Variants in TIAM2 observed in about 807,000 individuals in gnomAD.
The protein encoded by TIAM2 is rho guanine nucleotide exchange factor TIAM2.
Under a neutral mutation model 152.9 loss-of-function variants are expected in TIAM2, and 80 were observed. The observed-to-expected ratio is 0.52, with a 90% CI of 0.44 to 0.63. The LOEUF is 0.63. Among genes scored for constraint, TIAM2 ranks in the 30% least tolerant of loss-of-function variants. The probability of loss-of-function intolerance (pLI) is 0.00; values close to 1 mark genes in which losing one functional copy is unlikely to be tolerated. For synonymous variants in TIAM2, 804 were observed against 838.0 expected (o/e 0.96, Z 0.70); for missense variants, 1,965 against 2,120.1 (o/e 0.93, Z 1.44).
chr6:155,250,298 T>C (rs949206444), intron 21 of TIAM2, among the ~76,000 whole-genome samples: 3 of 151,220 alleles, frequency 2.0e-5, no homozygotes, highest in African/African-American at 7.3e-5. Flanking sequence ...TGCCTTTTTT[T>C]TTTTTTTTTT....
intron 1 of TIAM2, among the ~76,000 whole-genome samples, chr6:155,045,211 C>T (rs1450480677): frequency 5.3e-5 from 8 of 151,850 alleles, no homozygotes; most frequent in African/African-American, 1.5e-4. Context: ...GGATTGCAGG[C>T]GCACACCACC....
chr6:155,076,448 G>A (rs1777961635), intron 1 of TIAM2, among the ~76,000 whole-genome samples: 1 of 152,066 alleles, frequency 6.6e-6, no homozygotes, highest in Admixed American at 6.6e-5. Flanking sequence ...AAAATTAAAG[G>A]TCTGAAATGC....
chr6:155,123,215 C>T (rs545903318), intron 2 of TIAM2, among the ~76,000 whole-genome samples: 1 of 151,712 alleles, frequency 6.6e-6, no homozygotes, highest in South Asian at 2.1e-4. Flanking sequence ...CCAGGATTGA[C>T]CCAACATTGC....
At chr6:155,112,540 C>T (rs555685172) in intron 2 of TIAM2, among the ~76,000 whole-genome samples, 187 of 152,176 alleles carry the variant, frequency 1.2e-3, no homozygotes, top group African/African-American at 4.4e-3. Context: ...CCTTGGACCC[C>T]ATGTCTTTCC....
intron 16 of TIAM2, 89 bp downstream of exon 16, chr6:155,240,798 A>G: frequency 7.4e-7 from 1 of 1,356,370 alleles, no homozygotes; most frequent in Non-Finnish European, 9.9e-7. Flanking sequence ...ACCTCTGCCC[A>G]GGACACCTGC....
chr6:155,112,985 C>T lies in TIAM2; in HGVS notation c.-117-14505C>T, dbSNP rs562904380. Reference sequence around the variant, plus strand: ...GGTCCCCCTGCTGCTTCCACTGTGTCGCTGACAATCCATATCCACACAGCA... The same window carrying T: ...GGTCCCCCTGCTGCTTCCACTGTGTTGCTGACAATCCATATCCACACAGCA... On this transcript the variant is annotated intron_variant, in intron 2 of 26. Transcript: ENST00000682666. Among the ~76,000 whole-genome samples the T allele has an allele frequency of 2.6e-5, 4 of 151,724 alleles. No homozygotes were observed. The South Asian group carries it at 6.3e-4, about 24-fold the overall frequency.
rs772859074 is a variant in TIAM2 at position 155,248,091 on chromosome 6, G to A, written c.3744G>A (p.Pro1248=). 3.2e-5 allele frequency: 51 copies of A among 1,614,060 alleles called. No individual in the cohort carries two copies. Among genetic ancestry groups the A allele is most frequent in the Admixed American group, 1.2e-4 (7 of 60,000 alleles). The change falls in exon 20 of 27, where the codon CCG becomes CCA. Residue 1248 remains proline, a synonymous_variant. Transcript: ENST00000682666. ...SSTLESYLIK[P]VQRVLKYPLL... is the part of the protein sequence containing the mutation. ...CGCTGGAGTCCTACCTCATCAAGCCGGTTCAGAGAGTGCTCAAGTACCCGC... is the reference window on the plus strand; with the variant it reads ...CGCTGGAGTCCTACCTCATCAAGCCAGTTCAGAGAGTGCTCAAGTACCCGC...
intron 14 of TIAM2, among the ~76,000 whole-genome samples, chr6:155,187,830 G>T (rs1200332324): frequency 6.6e-6 from 1 of 151,830 alleles, no homozygotes; most frequent in Non-Finnish European, 1.5e-5. Flanking sequence ...TGCCCGCCTC[G>T]ACCTCCCAAA....
At chr6:155,108,186 C>T (rs977106527) in intron 2 of TIAM2, among the ~76,000 whole-genome samples, 1 of 152,116 alleles carries the variant, frequency 6.6e-6, no homozygotes, top group African/African-American at 2.4e-5. Flanking sequence ...TACGTGGGTT[C>T]GTTTTCAGCT....
At chr6:155,244,173 C>A in intron 17 of TIAM2, 94 bp downstream of exon 17, 1 of 1,207,408 alleles carries the variant, frequency 8.3e-7, no homozygotes, top group Admixed American at 1.8e-5. Context: ...TCTGTTGATC[C>A]CAAAAGAACA....
intron 15 of TIAM2, chr6:155,216,610 T>C (rs990822162): frequency 1.9e-5 from 3 of 154,618 alleles, no homozygotes; most frequent in African/African-American, 7.2e-5. Context: ...TGTGCTATTG[T>C]AATAGTTTGG....
At chr6:155,028,350 C>CTACATATAAT in intron 1 of TIAM2, among the ~76,000 whole-genome samples, 1 of 122,548 alleles carries the variant, frequency 8.2e-6, no homozygotes, top group Non-Finnish European at 1.6e-5. Flanking sequence ...TACTGTGTTA[C>CTACATATAAT]ATATATACTA....
At chr6:155,247,337 T>C (rs764612959) in intron 19 of TIAM2, among the ~76,000 whole-genome samples, 3 of 148,518 alleles carry the variant, frequency 2.0e-5, no homozygotes, top group Non-Finnish European at 4.5e-5. Context: ...TTTTTGATGT[T>C]GTTTTTTTTG....
chr6:155,052,658 C>T (rs144338307), intron 1 of TIAM2, among the ~76,000 whole-genome samples: 63 of 151,398 alleles, frequency 4.2e-4, no homozygotes, highest in African/African-American at 1.4e-3. Context: ...CCCAGCGACT[C>T]GGGAGGCTAA....
At position 155,029,505 on chromosome 6, in the gene TIAM2, A is replaced by AGT. The variant is rs1303279516; in HGVS notation, c.-209+34013_-209+34014insGT. Among the ~76,000 whole-genome samples the AGT allele has an allele frequency of 1.4e-3, 40 of 28,366 alleles. 5 individuals are homozygous for AGT. Among genetic ancestry groups the AGT allele is most frequent in the African/African-American group, 4.7e-3 (34 of 7,256 alleles). 18.6% of individuals were successfully genotyped at this position (28,366 alleles called of 152,430 possible). ...ATATACTATAGTATATATTATATAT[A>AGT]ATATATACTATATATTATAGTATAG... On this transcript the variant is annotated intron_variant, in intron 1 of 26. Coordinates refer to ENST00000682666, the MANE Select transcript of TIAM2 (RefSeq NM_012454.4).
In TIAM2 at chr6:155,213,351, G is replaced by A. The variant is rs950135132; in HGVS notation, c.3168+2044G>A. On this transcript the variant is annotated intron_variant, in intron 15 of 26. Coordinates refer to ENST00000682666, the MANE Select transcript of TIAM2 (RefSeq NM_012454.4). The surrounding 1 kb of genome is among the most constrained non-coding windows in gnomAD (Gnocchi z 4.2). ...TAGAGTGTTCACCTCTCAGCAGAGA[G>A]CAGACCCTGGAGTGGGTAGCTCCTC... 6.6e-6 allele frequency among the ~76,000 whole-genome samples: 1 copy of A among 152,178 alleles called. No homozygotes were observed. The highest frequency in any genetic ancestry group is 1.5e-5 in the Non-Finnish European group (1 of 68,026).
intron 1 of TIAM2, 52 bp from the exon 2 acceptor site, chr6:155,090,237 A>AT (rs1778271150): frequency 6.6e-6 from 1 of 152,194 alleles, no homozygotes; most frequent in Non-Finnish European, 1.5e-5. Flanking sequence ...TAACAATCTG[A>AT]TTTTGAAAAA....
Position 155,175,081 on chromosome 6 carries a change from G to T in TIAM2, c.2362-1735G>T, listed in dbSNP as rs536618239. Among the ~76,000 whole-genome samples the T allele has an allele frequency of 2.5e-3, 378 of 152,316 alleles. 1 individual carries two copies. Among genetic ancestry groups the T allele is most frequent in the African/African-American group, 8.5e-3 (353 of 41,560 alleles). On this transcript the variant is annotated intron_variant, in intron 9 of 26. Transcript: ENST00000682666. ...AAGACAAGAGCCTTTAGCAGAGAGT[G>T]TCCGGGCTGGTTCCTGGCATCCCTG... is the stretch of plus-strand genomic sequence containing the variant.
At chr6:155,239,528 G>A (rs547468308) in intron 15 of TIAM2, among the ~76,000 whole-genome samples, 52 of 152,338 alleles carry the variant, frequency 3.4e-4, no homozygotes, top group African/African-American at 1.2e-3. Flanking sequence ...CTGTGGAAGC[G>A]TTTCACCTGT....
Sources: gnomAD v4.1 joint callset for allele counts (sites outside exome capture counted in the v4.1 genomes callset) on GRCh38, gnomAD v4.1.1 for gene constraint, Gnocchi (gnomAD v3.1) non-coding constraint, MANE v1.5 for transcripts, NCBI Gene and HGNC (gene_info 2026-07-23, HGNC 2026-07-21) for gene names.